The following DLG1 variants were observed in gnomAD, a reference collection of about 807,000 sequenced individuals.
The protein encoded by DLG1 is disks large homolog 1.
A neutral mutation model predicts 123.4 loss-of-function variants in DLG1; 42 were observed. That is an observed-to-expected ratio of 0.34 (90% CI 0.27 to 0.44). The LOEUF is 0.44. Ranked by LOEUF, DLG1 falls within the 20% of genes least tolerant of loss-of-function variation. DLG1 has a pLI of 1.00. For synonymous variants in DLG1, 317 were observed against 356.2 expected (o/e 0.89, Z 1.24); for missense variants, 942 against 1,082.6 (o/e 0.87, Z 1.82).
intron 4 of DLG1, among the ~76,000 whole-genome samples, chr3:197,210,567 C>A (rs1337422066): frequency 7.0e-6 from 1 of 143,190 alleles, no homozygotes; most frequent in African/African-American, 2.5e-5. Flanking sequence ...ACACATCTTA[C>A]CACACACCAT....
chr3:197,182,394 TC>T (rs1712792120), intron 5 of DLG1, among the ~76,000 whole-genome samples: 1 of 152,156 alleles, frequency 6.6e-6, no homozygotes, highest in Non-Finnish European at 1.5e-5. Context: ...CCTAGGTAAT[TC>T]CATTTCTCCC....
At chr3:197,259,849 C>A (rs1758569876) in intron 4 of DLG1, among the ~76,000 whole-genome samples, 1 of 152,006 alleles carries the variant, frequency 6.6e-6, no homozygotes, top group African/African-American at 2.4e-5. Flanking sequence ...CCTAAAAAAA[C>A]AAAAAATTAA....
chr3:197,132,472 C>T (rs1285350459), intron 10 of DLG1, among the ~76,000 whole-genome samples: 2 of 152,278 alleles, frequency 1.3e-5, no homozygotes, highest in African/African-American at 4.8e-5. Context: ...AATAATTTCC[C>T]TTCACTGATG....
intron 11 of DLG1, among the ~76,000 whole-genome samples, chr3:197,121,823 CA>C (rs71161995): frequency 0.17 from 17,298 of 101,664 alleles, 1,103 homozygotes; most frequent in Admixed American, 0.22. Flanking sequence ...ACAATCACCA[CA>C]AAAAAAAAAA....
At chr3:197,298,954 A>G (rs889750643), upstream of DLG1, 1 of 172,946 alleles carries the variant, frequency 5.8e-6, no homozygotes, top group African/African-American at 2.4e-5. Flanking sequence ...TCGCTCATTC[A>G]TTCATTCATT....
chr3:197,282,593 A>G, intron 4 of DLG1, 86 bp downstream of exon 4: 1 of 869,232 alleles, frequency 1.2e-6, no homozygotes, highest in Non-Finnish European at 1.6e-6. Flanking sequence ...CTTGTATAAA[A>G]TATTATTTTA....
At chr3:197,252,232 CTT>C (rs1754786138) in intron 4 of DLG1, among the ~76,000 whole-genome samples, 1 of 152,070 alleles carries the variant, frequency 6.6e-6, no homozygotes, top group African/African-American at 2.4e-5. Context: ...TTATAAACCT[CTT>C]CTTTTACTGC....
rs945859679 is a variant in DLG1 at position 197,154,869 on chromosome 3, G to A, written c.484-5073C>T. On this transcript the variant is annotated intron_variant, in intron 5 of 24. Transcript: ENST00000667157. ...AGTAGTGAACATGAGATAGGACAAGGGAAAGTACTGAGTCTGAAGAACAGA... is the reference window on the plus strand; with the variant it reads ...AGTAGTGAACATGAGATAGGACAAGAGAAAGTACTGAGTCTGAAGAACAGA... 2.0e-5 allele frequency among the ~76,000 whole-genome samples: 3 copies of A among 152,140 alleles called. No homozygotes were observed. The South Asian group carries it at 6.2e-4, about 32-fold the overall frequency.
rs1014081703 is a variant in DLG1 at position 197,077,211 on chromosome 3, G to C, written c.1906-526C>G. On this transcript the variant is annotated intron_variant, in intron 17 of 24. Coordinates refer to ENST00000667157, the MANE Select transcript of DLG1 (RefSeq NM_001366207.1). ...AAATGATTATGAGAAAGTTGCTAATGCTGAATATTTAAAAAACAAATATAT... is the reference window on the plus strand; with the variant it reads ...AAATGATTATGAGAAAGTTGCTAATCCTGAATATTTAAAAAACAAATATAT... Among the ~76,000 whole-genome samples, 6 of 147,362 alleles carry C rather than the reference G, an allele frequency of 4.1e-5. No individual in the cohort carries two copies. In the Admixed American group the frequency reaches 4.2e-4, roughly 10 times the overall value.
At chr3:197,253,735 G>A (rs1168475590) in intron 4 of DLG1, among the ~76,000 whole-genome samples, 2 of 152,092 alleles carry the variant, frequency 1.3e-5, no homozygotes, top group African/African-American at 2.4e-5. Context: ...AAAAGGCCTC[G>A]AGTGATCTTT....
At position 197,111,488 on chromosome 3, in the gene DLG1, T is replaced by C. The variant is rs557720312; in HGVS notation, c.1443+4439A>G. On this transcript the variant is annotated intron_variant, in intron 13 of 24. Transcript: ENST00000667157. ...TAACTAGGTAATATGTTCAACAATA[T>C]TAATCTTTTAAGTCCATTCCCTACC... Among the ~76,000 whole-genome samples the C allele has an allele frequency of 5.3e-5, 8 of 152,352 alleles. No individual in the cohort carries two copies. The East Asian group carries it at 7.7e-4, about 15-fold the overall frequency.
intron 5 of DLG1, among the ~76,000 whole-genome samples, chr3:197,190,667 T>C (rs536795295): frequency 4.6e-5 from 7 of 152,078 alleles, no homozygotes; most frequent in Admixed American, 6.5e-5. Context: ...ATCCCAAGAT[T>C]GATCACCTTG....
At chr3:197,057,126 A>G (rs1417173456) in intron 23 of DLG1, among the ~76,000 whole-genome samples, 1 of 152,008 alleles carries the variant, frequency 6.6e-6, no homozygotes, top group East Asian at 1.9e-4. Flanking sequence ...CCAAGGCTGG[A>G]GTGCAGTGGT....
At chr3:197,298,731 A>T (rs950219365), upstream of DLG1, 4 of 396,896 alleles carry the variant, frequency 1.0e-5, no homozygotes, top group African/African-American at 4.1e-5. Context: ...CCAACTCTGC[A>T]TTGCCTTCCA....
At chr3:197,276,500 GT>G (rs1766502109) in intron 4 of DLG1, among the ~76,000 whole-genome samples, 1 of 152,100 alleles carries the variant, frequency 6.6e-6, no homozygotes, top group Non-Finnish European at 1.5e-5. Context: ...GCATTTTTAA[GT>G]GTGGCTGAGC....
At chr3:197,116,566 G>GAGT (rs758043213) in intron 12 of DLG1, among the ~76,000 whole-genome samples, 6 of 152,156 alleles carry the variant, frequency 3.9e-5, no homozygotes, top group Non-Finnish European at 8.8e-5. Flanking sequence ...GCTGAGGTGA[G>GAGT]AGTATAACCC....
chr3:197,098,240 T>A (rs1761709193), intron 14 of DLG1, among the ~76,000 whole-genome samples: 1 of 152,216 alleles, frequency 6.6e-6, no homozygotes. Context: ...TTACATTTCA[T>A]GTAGCATTAT....
In DLG1 at chr3:197,044,634, C is replaced by A. The variant is rs1721670120; in HGVS notation, c.2671G>T (p.Glu891Ter). 1.2e-6 allele frequency: 2 copies of A among 1,603,724 alleles called. No homozygotes were observed. Among genetic ancestry groups the A allele is most frequent in the African/African-American group, 2.7e-5 (2 of 74,516 alleles). The change falls in exon 25 of 25, where the codon GAA becomes TAA. Residue 891 changes from glutamate (E) to a stop codon, truncating the protein, a stop_gained. Transcript: ENST00000667157. LOFTEE classifies it high-confidence loss of function. ...AGAAACATGAGTTTTCATAGCTTTT[C>A]TTTTGCCGGAACCCAGATGTAAGAA... ...SGSYIWVPAKEKL is the reference protein window; with the variant it reads ...SGSYIWVPAK
chr3:197,109,313 C>CTA (rs1439242817), intron 13 of DLG1, among the ~76,000 whole-genome samples: 1 of 152,222 alleles, frequency 6.6e-6, no homozygotes. Flanking sequence ...CTGCAGTGAG[C>CTA]TATGACTGTG....
Sources: allele counts gnomAD v4.1 joint callset (sites outside exome capture counted in the v4.1 genomes callset), GRCh38; gene constraint gnomAD v4.1.1; transcripts MANE v1.5; gene names NCBI Gene and HGNC (gene_info 2026-07-23, HGNC 2026-07-21).